Variants in KLRG1 observed in about 807,000 individuals in gnomAD.
The protein encoded by KLRG1 is killer cell lectin-like receptor subfamily G member 1.
KLRG1 carries 16 observed loss-of-function variants against 21.8 expected under a neutral mutation model. The observed-to-expected ratio is 0.73, with a 90% CI of 0.50 to 1.11. The LOEUF is 1.11. Among genes scored for constraint, KLRG1 ranks in the 50% most tolerant of loss-of-function variants. KLRG1 has a pLI of 0.00. For synonymous variants in KLRG1, 69 were observed against 75.9 expected, an observed-to-expected ratio of 0.91 and a Z score of 0.47; for missense variants, 173 against 218.3, an observed-to-expected ratio of 0.79 and a Z score of 1.31.
chr12:9,109,950 T>C, the KLRG1 span: 1 of 1,614,068 alleles, frequency 6.2e-7, no homozygotes, highest in Non-Finnish European at 8.5e-7. Context: ...CTGGAAGGGC[T>C]CTGATGAGAG....
the KLRG1 span, among the ~76,000 whole-genome samples, chr12:9,102,435 C>T: frequency 6.6e-5 from 10 of 152,082 alleles, no homozygotes; most frequent in African/African-American, 9.7e-5. Context: ...AGGCTCGTCT[C>T]GATCTCCTGG....
At chr12:9,077,477 G>C in the KLRG1 span, 1 of 1,531,916 alleles carries the variant, frequency 6.5e-7, no homozygotes, top group Non-Finnish European at 8.9e-7. Flanking sequence ...CTATTGATTA[G>C]TTCTTTCTAT....
At chr12:9,022,491 C>G in the KLRG1 span, among the ~76,000 whole-genome samples, 1 of 152,140 alleles carries the variant, frequency 6.6e-6, no homozygotes, top group East Asian at 1.9e-4. Context: ...TGACATATAG[C>G]TTCTAAAATC....
At chr12:9,147,920 G>GT in the KLRG1 span, among the ~76,000 whole-genome samples, 324 of 149,046 alleles carry the variant, frequency 2.2e-3, no homozygotes, top group African/African-American at 7.0e-3. Context: ...GAGGTGACCA[G>GT]TTTTTTTTTT....
chr12:9,071,402 C>CAT, the KLRG1 span, among the ~76,000 whole-genome samples: 3 of 151,604 alleles, frequency 2.0e-5, no homozygotes, highest in African/African-American at 7.3e-5. Context: ...TATTTTTTGG[C>CAT]ATATATATAC....
intron 1 of KLRG1, among the ~76,000 whole-genome samples, chr12:8,973,163 GAAAAAAAAAAA>G (rs59760555): frequency 1.3e-4 from 13 of 97,032 alleles, no homozygotes; most frequent in South Asian, 6.5e-4. Flanking sequence ...CATCTCAAAA[GAAAAAAAAAAA>G]AAAAAAAAAA....
At chr12:9,170,941 G>A in the KLRG1 span, among the ~76,000 whole-genome samples, 1 of 152,190 alleles carries the variant, frequency 6.6e-6, no homozygotes, top group Non-Finnish European at 1.5e-5. This position sits in a 1 kb window ranked among gnomAD's most constrained non-coding sequence, Gnocchi z 4.6. Flanking sequence ...GGAGAATACA[G>A]GTGATCCAGG....
At chr12:9,030,773 A>T in the KLRG1 span, among the ~76,000 whole-genome samples, 1 of 152,254 alleles carries the variant, frequency 6.6e-6, no homozygotes, top group Non-Finnish European at 1.5e-5. Flanking sequence ...ACAATAACAC[A>T]AATGCTGACT....
At chr12:8,990,925 T>C (rs939979655) in intron 1 of KLRG1, among the ~76,000 whole-genome samples, 1 of 152,188 alleles carries the variant, frequency 6.6e-6, no homozygotes, top group Non-Finnish European at 1.5e-5. Context: ...TTTCTAGAAA[T>C]CTTAATGCTT....
At chr12:9,197,129 A>C in the KLRG1 span, 2 of 1,574,920 alleles carry the variant, frequency 1.3e-6, no homozygotes, top group Non-Finnish European at 1.7e-6. Flanking sequence ...TGTATCTGGT[A>C]CATGAGAAAT....
chr12:9,207,312 A>G, the KLRG1 span, among the ~76,000 whole-genome samples: 15 of 152,334 alleles, frequency 9.8e-5, 1 homozygote, highest in African/African-American at 3.6e-4. Context: ...TAACCTCTCC[A>G]GGACACCTCA....
the KLRG1 span, chr12:9,099,671 C>T: frequency 1.1e-6 from 1 of 949,006 alleles, no homozygotes; most frequent in Non-Finnish European, 1.5e-6. Flanking sequence ...TATCAAAGCC[C>T]TCTCTCCTCT....
the KLRG1 span, among the ~76,000 whole-genome samples, chr12:9,029,951 G>T: frequency 6.6e-6 from 1 of 151,720 alleles, no homozygotes; most frequent in Non-Finnish European, 1.5e-5. Context: ...ACAGGGTTTC[G>T]CCATATTGGC....
the KLRG1 span, among the ~76,000 whole-genome samples, chr12:9,204,813 A>T: frequency 1.2e-4 from 19 of 152,328 alleles, no homozygotes; most frequent in Admixed American, 2.0e-4. Flanking sequence ...AAACAGGTTC[A>T]GGCTGGGAGA....
the KLRG1 span, chr12:9,148,968 G>A: frequency 6.2e-7 from 1 of 1,609,340 alleles, no homozygotes; most frequent in Non-Finnish European, 8.5e-7. Flanking sequence ...AGCCTGTATG[G>A]TCCTCAAACA....
the KLRG1 span, chr12:9,072,934 T>C: frequency 7.2e-7 from 1 of 1,384,254 alleles, no homozygotes; most frequent in Non-Finnish European, 1.0e-6. Context: ...GGCTGAGATA[T>C]TTTTCAAAGA....
At chr12:8,957,247 A>G (rs1415959248) in intron 1 of KLRG1, among the ~76,000 whole-genome samples, 1 of 152,140 alleles carries the variant, frequency 6.6e-6, no homozygotes, top group Non-Finnish European at 1.5e-5. Context: ...CTCAGGGGAC[A>G]TGTTCCAAGG....
intron 1 of KLRG1, chr12:8,990,293 A>C (rs1012012234): frequency 5.9e-5 from 9 of 152,282 alleles, no homozygotes; most frequent in African/African-American, 2.2e-4. Flanking sequence ...ATTTGAAGGC[A>C]AAAGAGCCAT....
the KLRG1 span, chr12:9,077,034 G>A: frequency 2.0e-4 from 222 of 1,130,020 alleles, 1 homozygote; most frequent in East Asian, 3.5e-3. Flanking sequence ...TTTTTCAAAC[G>A]CATTTTTCCA....
Sources: gnomAD v4.1 joint callset for allele counts (sites outside exome capture counted in the v4.1 genomes callset) on GRCh38, gnomAD v4.1.1 for gene constraint, Gnocchi (gnomAD v3.1) non-coding constraint, MANE v1.5 for transcripts, NCBI Gene and HGNC (gene_info 2026-07-23, HGNC 2026-07-21) for gene names.